TNFRSF19: variants seen among roughly 807,000 people sequenced by gnomAD.
TNFRSF19 encodes TNF receptor superfamily member 19.
TNFRSF19 carries 27 observed loss-of-function variants against 46.4 expected under a neutral mutation model. The ratio of observed to expected loss-of-function variants is 0.58; its 90% confidence interval spans 0.43 to 0.80. The LOEUF is 0.80. TNFRSF19 is among the 30% of genes least tolerant of loss of function. TNFRSF19 has a pLI of 0.00. For synonymous variants in TNFRSF19, 204 were observed against 205.0 expected (o/e 1.00, Z 0.04); for missense variants, 511 against 530.8 (o/e 0.96, Z 0.37).
At chr13:23,615,741 G>T in intron 3 of TNFRSF19, 126 bp from the exon 4 acceptor site, 1 of 922,072 alleles carries the variant, frequency 1.1e-6, no homozygotes, top group African/African-American at 1.7e-5. Flanking sequence ...TGAAAGAGCT[G>T]CCTTTGTGTC....
chr13:23,649,689 A>G (rs1306631823), intron 5 of TNFRSF19, among the ~76,000 whole-genome samples: 2 of 152,000 alleles, frequency 1.3e-5, no homozygotes, highest in Admixed American at 6.5e-5. Context: ...GAATTTATTG[A>G]TACAGATTTC....
intron 2 of TNFRSF19, among the ~76,000 whole-genome samples, chr13:23,592,015 G>A (rs920293375): frequency 2.0e-5 from 3 of 152,082 alleles, no homozygotes; most frequent in African/African-American, 2.4e-5. Flanking sequence ...GTGAGCCACC[G>A]TGCCTGTCTG....
intron 5 of TNFRSF19, among the ~76,000 whole-genome samples, chr13:23,640,688 T>C (rs1037223764): frequency 3.9e-5 from 6 of 152,242 alleles, no homozygotes; most frequent in African/African-American, 7.2e-5. Flanking sequence ...ATTCTTTGAA[T>C]GAATTAAATC....
At chr13:23,617,692 A>G (rs1215280554) in intron 4 of TNFRSF19, among the ~76,000 whole-genome samples, 2 of 152,248 alleles carry the variant, frequency 1.3e-5, no homozygotes, top group African/African-American at 4.8e-5. Context: ...GGCAGCAAAC[A>G]TTTATTACTT....
intron 2 of TNFRSF19, among the ~76,000 whole-genome samples, chr13:23,592,333 G>A (rs1052470962): frequency 4.6e-5 from 7 of 152,024 alleles, no homozygotes; most frequent in African/African-American, 1.7e-4. Flanking sequence ...GTAAGGGGTT[G>A]GACCAAACGT....
chr13:23,636,806 A>C (rs992188352), intron 5 of TNFRSF19, among the ~76,000 whole-genome samples: 2 of 152,188 alleles, frequency 1.3e-5, no homozygotes, highest in Admixed American at 1.3e-4. Context: ...GGAGCAAGGG[A>C]GGAAGCAGGA....
chr13:23,655,482 G>A (rs1263753319), intron 5 of TNFRSF19, among the ~76,000 whole-genome samples: 1 of 152,148 alleles, frequency 6.6e-6, no homozygotes, highest in African/African-American at 2.4e-5. Context: ...TTCTTCAGAA[G>A]TACTTTCGGA....
At chr13:23,571,758 G>A (rs941943716) in intron 1 of TNFRSF19, among the ~76,000 whole-genome samples, 9 of 151,614 alleles carry the variant, frequency 5.9e-5, no homozygotes, top group Admixed American at 5.3e-4. Flanking sequence ...TTATTTTTTT[G>A]TCAGTTCATG....
intron 4 of TNFRSF19, among the ~76,000 whole-genome samples, chr13:23,623,141 C>T (rs34731454): frequency 0.2 from 30,820 of 152,062 alleles, 3,760 homozygotes; most frequent in East Asian, 0.3. Flanking sequence ...GTGGAAACCA[C>T]CTTTCTTTCT....
chr13:23,670,008 C>G (rs1025779023), intron 9 of TNFRSF19, among the ~76,000 whole-genome samples: 9 of 152,280 alleles, frequency 5.9e-5, no homozygotes, highest in African/African-American at 1.9e-4. Context: ...TGCCCCAGAT[C>G]AGGGTTGTGG....
intron 1 of TNFRSF19, among the ~76,000 whole-genome samples, chr13:23,581,294 C>T (rs1264641502): frequency 6.6e-6 from 1 of 151,996 alleles, no homozygotes; most frequent in Non-Finnish European, 1.5e-5. Flanking sequence ...TACAGGCGCC[C>T]GCCACCACAC....
In TNFRSF19 at chr13:23,626,948, A is replaced by G. The variant is rs187499535; in HGVS notation, c.445+156A>G. ...TTTAATCAGGCTTCTGGCAGGACAGAAAGTCCCTTTGTTCTGTGCCTCAGT... is the reference window on the plus strand; with the variant it reads ...TTTAATCAGGCTTCTGGCAGGACAGGAAGTCCCTTTGTTCTGTGCCTCAGT... On this transcript the variant is annotated intron_variant, in intron 5 of 9. Coordinates refer to ENST00000248484, the MANE Select transcript of TNFRSF19 (RefSeq NM_148957.4). Among the ~76,000 whole-genome samples, 6 of 152,320 alleles carry G rather than the reference A, an allele frequency of 3.9e-5. No homozygotes were observed. In the East Asian group the frequency reaches 1.2e-3, roughly 29 times the overall value.
chr13:23,669,972 T>G (rs1257263933), intron 9 of TNFRSF19, among the ~76,000 whole-genome samples: 3 of 152,190 alleles, frequency 2.0e-5, no homozygotes, highest in Non-Finnish European at 1.5e-5. Context: ...ACAAAGAGGT[T>G]GCTGCTCTCA....
At chr13:23,613,755 T>A (rs1211157062) in intron 3 of TNFRSF19, among the ~76,000 whole-genome samples, 1 of 152,116 alleles carries the variant, frequency 6.6e-6, no homozygotes, top group Non-Finnish European at 1.5e-5. Context: ...TGGGAGGCTC[T>A]CTCCTATACT....
intron 3 of TNFRSF19, among the ~76,000 whole-genome samples, chr13:23,614,764 T>TATATATATATATATATATATATAC (rs1259030652): frequency 5.7e-5 from 8 of 139,878 alleles, no homozygotes; most frequent in Non-Finnish European, 9.6e-5. Context: ...TATATATATA[T>TATATATATATATATATATATATAC]ATATAGTACC....
intron 2 of TNFRSF19, among the ~76,000 whole-genome samples, chr13:23,591,412 C>G (rs1411918972): frequency 6.6e-6 from 1 of 152,032 alleles, no homozygotes; most frequent in Non-Finnish European, 1.5e-5. Flanking sequence ...GAGATCACGC[C>G]ACTGCACTCT....
chr13:23,671,818 G>A (rs545598920), intron 9 of TNFRSF19, among the ~76,000 whole-genome samples: 86 of 152,232 alleles, frequency 5.6e-4, no homozygotes, highest in East Asian at 4.6e-3. Context: ...GGATCACGCC[G>A]CTGCACTCCA....
chr13:23,578,130 G>C (rs1355599674), intron 1 of TNFRSF19, among the ~76,000 whole-genome samples: 1 of 152,164 alleles, frequency 6.6e-6, no homozygotes, highest in Admixed American at 6.5e-5. Flanking sequence ...GGTGTAGCTG[G>C]GGAAGGAAAC....
intron 5 of TNFRSF19, among the ~76,000 whole-genome samples, chr13:23,651,762 A>G (rs571287143): frequency 6.3e-4 from 95 of 150,430 alleles, no homozygotes; most frequent in Non-Finnish European, 1.0e-3. Context: ...AGGTCAAGCT[A>G]TATTGTATGT....
Sources: allele counts gnomAD v4.1 joint callset (sites outside exome capture counted in the v4.1 genomes callset), GRCh38; gene constraint gnomAD v4.1.1; transcripts MANE v1.5; gene names NCBI Gene and HGNC (gene_info 2026-07-23, HGNC 2026-07-21).